Variants in TFB1M observed in about 807,000 individuals in gnomAD.
TFB1M encodes transcription factor B1, mitochondrial, also known as dimethyladenosine transferase 1, mitochondrial.
TFB1M carries 27 observed loss-of-function variants against 31.1 expected under a neutral mutation model. The ratio of observed to expected loss-of-function variants is 0.87; its 90% CI spans 0.64 to 1.20. The LOEUF (loss-of-function observed/expected upper bound fraction) is 1.20. Among genes scored for constraint, TFB1M ranks in the 50% most tolerant of loss-of-function variants. The pLI is 0.00. For synonymous variants in TFB1M, 166 were observed against 151.8 expected, an observed-to-expected ratio of 1.09 and a Z score of -0.69; for missense variants, 394 against 418.7, an observed-to-expected ratio of 0.94 and a Z score of 0.51.
the TFB1M span, chr6:155,245,822 A>G: frequency 1.1e-6 from 1 of 893,302 alleles, no homozygotes; most frequent in African/African-American, 1.7e-5. Context: ...AGTAGAGAGT[A>G]AGTACAATTT....
chr6:155,241,219 C>T, the TFB1M span, among the ~76,000 whole-genome samples: 1 of 152,148 alleles, frequency 6.6e-6, no homozygotes, highest in Non-Finnish European at 1.5e-5. Flanking sequence ...GGGCAGTTGC[C>T]GAGTATCTTG....
chr6:155,256,821 C>G lies in TFB1M; in HGVS notation c.*1015G>C. 1 of 1,614,156 alleles carries G rather than the reference C, an allele frequency of 6.2e-7. No homozygotes were observed. On this transcript the variant is annotated 3_prime_UTR_variant, in exon 7 of 7. Coordinates refer to ENST00000367166, the MANE Select transcript of TFB1M (RefSeq NM_016020.4). ...GACTGAGGATTTCCGAGGACCCAGA[C>G]GTTCACCCCGAGGCTGAGCAGCAGC...
chr6:155,287,871 T>C (rs1776736834), intron 4 of TFB1M, among the ~76,000 whole-genome samples: 1 of 152,200 alleles, frequency 6.6e-6, no homozygotes, highest in African/African-American at 2.4e-5. Flanking sequence ...CTCTTCTGAA[T>C]GATTCAGGGG....
chr6:155,286,207 G>A (rs369897130), intron 4 of TFB1M, among the ~76,000 whole-genome samples: 1 of 151,920 alleles, frequency 6.6e-6, no homozygotes, highest in Admixed American at 6.6e-5. Flanking sequence ...AAAACAGTAG[G>A]TCCTTATCTC....
intron 6 of TFB1M, 105 bp from the exon 7 acceptor site, chr6:155,258,187 C>T: frequency 7.4e-7 from 1 of 1,358,946 alleles, no homozygotes. Context: ...CAGTTGCTGG[C>T]TACTGACAGC....
the TFB1M span, chr6:155,250,871 G>C: frequency 7.6e-6 from 12 of 1,582,748 alleles, no homozygotes; most frequent in Non-Finnish European, 1.0e-5. Flanking sequence ...CATCTAGCCT[G>C]GGATTTCCGT....
downstream of TFB1M, chr6:155,251,149 T>A: frequency 1.3e-6 from 1 of 755,338 alleles, no homozygotes; most frequent in East Asian, 2.5e-5. Flanking sequence ...GTTGGGGACT[T>A]AACAGGGCCA....
At chr6:155,259,137 T>C (rs1203969831) in intron 6 of TFB1M, among the ~76,000 whole-genome samples, 3 of 152,084 alleles carry the variant, frequency 2.0e-5, no homozygotes, top group Admixed American at 6.6e-5. Flanking sequence ...TGCTCCCTCC[T>C]CCCCCATGAA....
At chr6:155,240,467 G>A in the TFB1M span, 1 of 1,510,464 alleles carries the variant, frequency 6.6e-7, no homozygotes. Context: ...GGTGCCCTTG[G>A]GGGCAGCGGA....
At chr6:155,280,962 CTA>C (rs893787189) in intron 5 of TFB1M, among the ~76,000 whole-genome samples, 4 of 152,198 alleles carry the variant, frequency 2.6e-5, no homozygotes, top group African/African-American at 9.7e-5. Context: ...TTAATGGACA[CTA>C]TTTATGCTTT....
At chr6:155,300,488 A>C (rs1777375866) in intron 2 of TFB1M, among the ~76,000 whole-genome samples, 1 of 152,226 alleles carries the variant, frequency 6.6e-6, no homozygotes, top group Non-Finnish European at 1.5e-5. Flanking sequence ...CCACATATTT[A>C]ATCACAGTAC....
the TFB1M span, among the ~76,000 whole-genome samples, chr6:155,249,270 T>C: frequency 2.6e-3 from 395 of 152,334 alleles, 1 homozygote; most frequent in African/African-American, 9.1e-3. Flanking sequence ...ACATATACCA[T>C]ATATAAATGC....
chr6:155,281,315 AG>A (rs1184666184), intron 5 of TFB1M, among the ~76,000 whole-genome samples: 1 of 152,222 alleles, frequency 6.6e-6, no homozygotes, highest in East Asian at 1.9e-4. Context: ...GAATTCCAGC[AG>A]GTCTAGCTTA....
intron 2 of TFB1M, among the ~76,000 whole-genome samples, chr6:155,305,723 ATATATATATTAAATTATATATTT>A (rs1777731088): frequency 4.1e-5 from 1 of 24,604 alleles, no homozygotes; most frequent in Non-Finnish European, 9.4e-5. Context: ...TTATATATTT[ATATATATATTAAATTATATATTT>A]ATATATATAA....
chr6:155,276,029 T>C (rs1430284828), intron 5 of TFB1M: 36 of 1,614,058 alleles, frequency 2.2e-5, no homozygotes, highest in Non-Finnish European at 3.1e-5. Flanking sequence ...AGGAATGAAA[T>C]GTACTCGCTT....
At position 155,256,535 on chromosome 6, in the gene TFB1M, C is replaced by A. The variant is rs777540608; in HGVS notation, c.*1301G>T. 6 of 1,614,090 alleles carry A rather than the reference C, an allele frequency of 3.7e-6. No homozygotes were observed. In the East Asian group the frequency reaches 6.7e-5, roughly 18 times the overall value. ...AAGAATTCCTCCAGCAACGAGTGGA[C>A]CGGTGAGACTGGCAAGGGAACCTTG... On this transcript the variant is annotated 3_prime_UTR_variant, in exon 7 of 7. Transcript: ENST00000367166.
At chr6:155,260,486 G>A in intron 5 of TFB1M, 86 bp from the exon 6 acceptor site, 1 of 1,553,528 alleles carries the variant, frequency 6.4e-7, no homozygotes, top group Non-Finnish European at 8.8e-7. Flanking sequence ...AAAACAGGAG[G>A]ATGGGCTGTC....
chr6:155,288,493 T>G (rs1459523740), intron 4 of TFB1M, among the ~76,000 whole-genome samples: 10 of 152,200 alleles, frequency 6.6e-5, no homozygotes. Context: ...AGCTTAATCT[T>G]ACTACTGGCA....
At chr6:155,306,984 G>C (rs990637687) in intron 2 of TFB1M, among the ~76,000 whole-genome samples, 1 of 152,056 alleles carries the variant, frequency 6.6e-6, no homozygotes, top group Non-Finnish European at 1.5e-5. Context: ...AGCCAGGCAT[G>C]GTGGTGTGCA....
Sources: allele counts gnomAD v4.1 joint callset (sites outside exome capture counted in the v4.1 genomes callset), GRCh38; gene constraint gnomAD v4.1.1; transcripts MANE v1.5; gene names NCBI Gene and HGNC (gene_info 2026-07-23, HGNC 2026-07-21).